Variants in VWF observed in about 807,000 individuals in gnomAD.
VWF encodes the protein Factor VIII related antigen.
A neutral mutation model predicts 308.6 loss-of-function variants in VWF; 176 were observed. The ratio of observed to expected loss-of-function variants is 0.57; its 90% confidence interval spans 0.50 to 0.65. VWF has a LOEUF of 0.65. VWF is among the 30% of genes least tolerant of loss of function. VWF has a pLI of 0.00. For missense variants in VWF, 3,146 were observed against 3,648.2 expected (o/e 0.86, Z 3.55); for synonymous variants, 1,385 against 1,443.4 (o/e 0.96, Z 0.92).
rs753772379 is a variant in VWF at position 6,019,374 on chromosome 12, C to A, written c.4044G>T (p.Lys1348Asn). 2 of 1,613,846 alleles carry A rather than the reference C, an allele frequency of 1.2e-6. No homozygotes were observed. The highest frequency in any genetic ancestry group is 1.7e-6 in the Non-Finnish European group (2 of 1,179,878). Residue 1348 changes from lysine to asparagine, a missense_variant, in exon 28 of 52, where the codon AAG (lysine) becomes AAT (asparagine). Physicochemically the swap from Lys to Asn is moderately conservative, Grantham distance 94. Around this residue, in one of 3 missense-constraint regions of VWF, gnomAD observed 853 missense variants for 1,177.8 expected, o/e 0.72. Coordinates refer to ENST00000261405, the MANE Select transcript of VWF (RefSeq NM_000552.5). This position sits in a 1 kb window ranked among gnomAD's most constrained non-coding sequence, Gnocchi z 5.8. ...TGGAGGCCACCTGGCTGCCCGCATA[C>A]TTCACCTGGCTGGCAATGCGCCGCA... ...SELRRIASQV[K>N]YAGSQVASTS...
intron 5 of VWF, among the ~76,000 whole-genome samples, chr12:6,098,348 G>T (rs568583050): frequency 3.6e-4 from 55 of 152,270 alleles, no homozygotes; most frequent in Non-Finnish European, 7.2e-4. Context: ...TAAAGCCTGG[G>T]AATATGAAAG....
Position 6,016,106 on chromosome 12 carries a change from T to G in VWF, c.5438A>C (p.Asp1813Ala). The G allele has an allele frequency of 6.2e-7, 1 of 1,614,176 alleles. No individual in the cohort carries two copies. The highest frequency in any genetic ancestry group is 8.5e-7 in the Non-Finnish European group (1 of 1,180,024). ...ATTCTTACTGTTGGACCTGGCGGCA[T>G]CAGCTGCTGCATCCACTGAATCCAC... ...VSVDSVDAAADAARSNRVTVF... is the reference protein window; with the variant it reads ...VSVDSVDAAAAAARSNRVTVF... Residue 1813 changes from aspartate (D) to alanine (A), a missense_variant, in exon 31 of 52, where the codon GAT becomes GCT. By Grantham distance (126) the Asp-to-Ala change is moderately radical. Around this residue, in one of 3 missense-constraint regions of VWF, gnomAD observed 853 missense variants for 1,177.8 expected, o/e 0.72. Transcript: ENST00000261405.
At chr12:6,029,783 A>G (rs926894741) in intron 21 of VWF, among the ~76,000 whole-genome samples, 2 of 152,222 alleles carry the variant, frequency 1.3e-5, no homozygotes, top group African/African-American at 4.8e-5. Context: ...ATGAGCAGGT[A>G]TTTTATTGAC....
intron 16 of VWF, among the ~76,000 whole-genome samples, chr12:6,051,358 C>A (rs1302964471): frequency 7.0e-6 from 1 of 142,940 alleles, no homozygotes; most frequent in Non-Finnish European, 1.5e-5. Context: ...GTGGCAAGAT[C>A]TCAGCTCACT....
intron 19 of VWF, among the ~76,000 whole-genome samples, chr12:6,035,905 T>G (rs1944331441): frequency 6.6e-6 from 1 of 152,274 alleles, no homozygotes; most frequent in Non-Finnish European, 1.5e-5. Context: ...CTTTACTTTC[T>G]GATGGTTCAA....
In VWF at chr12:6,075,373, C is replaced by G; in HGVS notation, c.836G>C (p.Gly279Ala). 7 of 1,614,130 alleles carry G rather than the reference C, an allele frequency of 4.3e-6. No individual in the cohort carries two copies. Among genetic ancestry groups the G allele is most frequent in the Non-Finnish European group, 5.9e-6 (7 of 1,180,030 alleles). ...GTCGGTCCAGCCGTACAGCACCATT[C>G]CCTCCTGGGCACAGGTCCGGGCGTA... Reference protein sequence around the residue: ...LEYARTCAQEGMVLYGWTDHS... With the variant: ...LEYARTCAQEAMVLYGWTDHS... The change falls in exon 7 of 52, where the codon GGA becomes GCA. Residue 279 changes from glycine (G) to alanine (A), a missense_variant. By Grantham distance (60) the Gly-to-Ala change is moderately conservative. Coordinates refer to ENST00000261405, the MANE Select transcript of VWF (RefSeq NM_000552.5). This position sits in a 1 kb window ranked among gnomAD's most constrained non-coding sequence, Gnocchi z 4.7.
At position 6,066,565 on chromosome 12, in the gene VWF, C is replaced by A. The variant is rs961923394; in HGVS notation, c.1157-1292G>T. On this transcript the variant is annotated intron_variant, in intron 10 of 51. Transcript: ENST00000261405. The stretch of plus-strand genomic sequence containing the variant: ...GCTTCCCCTGAGACCCTCCAAACAG[C>A]GGAAGCTTGGCTGTCTACAGCGCTA... Among the ~76,000 whole-genome samples the A allele has an allele frequency of 2.0e-5, 3 of 152,262 alleles. No homozygotes were observed. In the South Asian group the frequency reaches 6.2e-4, roughly 31 times the overall value.
intron 38 of VWF, among the ~76,000 whole-genome samples, chr12:5,990,886 AAAAAAAAAAAAAAAAAAAAAAAT>A (rs1943733087): frequency 1.6e-5 from 2 of 122,000 alleles, no homozygotes; most frequent in African/African-American, 2.8e-5. Flanking sequence ...AAAAAAAAAA[AAAAAAAAAAAAAAAAAAAAAAAT>A]TTTGATGACT....
Position 6,103,502 on chromosome 12 carries a change from A to G in VWF, c.532+6872T>C, listed in dbSNP as rs527913859. Among the ~76,000 whole-genome samples the G allele has an allele frequency of 3.8e-3, 464 of 120,650 alleles. 29 individuals carry two copies. Among genetic ancestry groups the G allele is most frequent in the African/African-American group, 0.02 (419 of 20,918 alleles). The allele number at this position is 120,650 out of a possible 152,430, so 79.2% of individuals were successfully genotyped here. On this transcript the variant is annotated intron_variant, in intron 5 of 51. Coordinates refer to ENST00000261405, the MANE Select transcript of VWF (RefSeq NM_000552.5). ...TATATACATATATGTGTATACACAC[A>G]CGTATATATATACACACATATGTGT... is the stretch of plus-strand genomic sequence containing the variant.
Position 6,023,802 on chromosome 12 carries a change from T to A in VWF, c.3223-15A>T, listed in dbSNP as rs1417120599. 2 of 1,610,818 alleles carry A rather than the reference T, an allele frequency of 1.2e-6. No homozygotes were observed. The highest frequency in any genetic ancestry group is 1.7e-5 in the Admixed American group (1 of 59,598). On this transcript the variant is annotated splice_polypyrimidine_tract_variant and intron_variant, in intron 24 of 51. Transcript: ENST00000261405. The stretch of plus-strand genomic sequence containing the variant: ...TCGGGGTCCACCTGCAAAGGCAGCC[T>A]CAGGTGGCCCAGGCCTATGGCCAGG...
At chr12:5,985,796 G>T (rs1943674109) in intron 38 of VWF, 131 bp from the exon 39 acceptor site, 4 of 847,072 alleles carry the variant, frequency 4.7e-6, no homozygotes, top group Non-Finnish European at 7.8e-6. Flanking sequence ...GAGCCTCACA[G>T]GCAAACAAAA....
rs1945419515 is a variant in VWF, at chr12:6,120,673, T to C, written c.220+501A>G. On this transcript the variant is annotated intron_variant, in intron 3 of 51. Coordinates refer to ENST00000261405, the MANE Select transcript of VWF (RefSeq NM_000552.5). ...AACCTTCATGAGCCTTGGTTCTCCA[T>C]TGGTAAAACTGGGATGACTACAGCT... is the stretch of plus-strand genomic sequence containing the variant. 1.3e-5 allele frequency among the ~76,000 whole-genome samples: 2 copies of C among 152,178 alleles called. 1 individual carries two copies. Among genetic ancestry groups the C allele is most frequent in the Middle Eastern group, 6.8e-3 (2 of 294 alleles).
rs1944701771 is a variant in VWF at position 6,065,332 on chromosome 12, G to A, written c.1157-59C>T. On this transcript the variant is annotated intron_variant, in intron 10 of 51. Coordinates refer to ENST00000261405, the MANE Select transcript of VWF (RefSeq NM_000552.5). The stretch of plus-strand genomic sequence containing the variant: ...AGGTGAGGGCACTTCCCCTGGGGTG[G>A]CCAAGGTGGAATGCATATGCAAGCA... 5.0e-6 allele frequency: 8 copies of A among 1,607,338 alleles called. No individual in the cohort carries two copies. In the Admixed American group the frequency reaches 1.0e-4, roughly 20 times the overall value.
Position 5,971,782 on chromosome 12 carries a change from G to T in VWF, c.7438-73C>A, listed in dbSNP as rs1035876826. 2.3e-6 allele frequency: 3 copies of T among 1,300,176 alleles called. No individual in the cohort carries two copies. The South Asian group carries it at 3.6e-5, about 15-fold the overall frequency. 80.5% of individuals were successfully genotyped at this position (1,300,176 alleles called of 1,614,324 possible). ...ACAGGGGCTCTTACCTACGCCTCCT[G>T]CGTACTGAGCCCTGGGGTTGTGCCA... On this transcript the variant is annotated intron_variant, in intron 43 of 51. Transcript: ENST00000261405.
At chr12:5,986,403 G>A (rs529056570) in intron 38 of VWF, among the ~76,000 whole-genome samples, 3 of 152,246 alleles carry the variant, frequency 2.0e-5, no homozygotes, top group Non-Finnish European at 4.4e-5. Flanking sequence ...CCAGGACTCA[G>A]TCTCCCTCTG....
intron 13 of VWF, among the ~76,000 whole-genome samples, chr12:6,061,122 G>A (rs1944650198): frequency 1.3e-5 from 2 of 152,138 alleles, no homozygotes; most frequent in South Asian, 4.1e-4. Flanking sequence ...AATCGCTTCA[G>A]CCTGGAAGGC....
At chr12:6,068,798 T>A (rs1345685007) in intron 10 of VWF, among the ~76,000 whole-genome samples, 1 of 111,728 alleles carries the variant, frequency 9.0e-6, no homozygotes, top group African/African-American at 4.2e-5. Context: ...CCAAGATGCA[T>A]TTTTTTTTCT....
At position 6,075,603 on chromosome 12, in the gene VWF, G is replaced by C. The variant is rs767600265; in HGVS notation, c.658-52C>G. 1 of 1,571,414 alleles carries C rather than the reference G, an allele frequency of 6.4e-7. No individual in the cohort carries two copies. Among genetic ancestry groups the C allele is most frequent in the Admixed American group, 1.9e-5 (1 of 53,906 alleles). ...GTATGCTCCGTTAGTGTCTCCCTGA[G>C]TGTGGCACTGAGACTTAGCCCTGCT... On this transcript the variant is annotated intron_variant, in intron 6 of 51. Coordinates refer to ENST00000261405, the MANE Select transcript of VWF (RefSeq NM_000552.5). This position sits in a 1 kb window ranked among gnomAD's most constrained non-coding sequence, Gnocchi z 4.7.
At chr12:5,988,452 CTGTATA>C (rs1246119293) in intron 38 of VWF, among the ~76,000 whole-genome samples, 1 of 152,118 alleles carries the variant, frequency 6.6e-6, no homozygotes, top group Non-Finnish European at 1.5e-5. Flanking sequence ...GAGTCATGTT[CTGTATA>C]TGTTTCAGTG....
Sources: gnomAD v4.1 joint callset for allele counts (sites outside exome capture counted in the v4.1 genomes callset) on GRCh38, gnomAD v4.1.1 for gene constraint, gnomAD v4.1.1 regional missense constraint, Gnocchi (gnomAD v3.1) non-coding constraint, MANE v1.5 for transcripts, NCBI Gene and HGNC (gene_info 2026-07-23, HGNC 2026-07-21) for gene names.